Variants in OR3A2 observed in about 807,000 individuals in gnomAD.
The protein encoded by OR3A2 is olfactory receptor 3A2.
For synonymous variants in OR3A2, 126 were observed against 159.3 expected (o/e 0.79, Z 1.57); for missense variants, 318 against 392.8 (o/e 0.81, Z 1.61).
rs1178074241 is a variant in OR3A2, at chr17:3,357,392, C to G, written c.-178-21266G>C. 7.3e-5 allele frequency among the ~76,000 whole-genome samples: 11 copies of G among 151,650 alleles called. No individual in the cohort carries two copies. In the East Asian group the frequency reaches 1.2e-3, roughly 16 times the overall value. On this transcript the variant is annotated intron_variant, in intron 2 of 4. Transcript: ENST00000573491. Reference sequence around the variant, plus strand: ...AAGTACATAATGCAGACCAACCCTCCCCATGAAAATAAAAAGCCAGATGAA... The same window carrying G: ...AAGTACATAATGCAGACCAACCCTCGCCATGAAAATAAAAAGCCAGATGAA...
rs534730072 is a variant in OR3A2 at position 3,359,471 on chromosome 17, G to GTGA, written c.-178-23348_-178-23346dup. Among the ~76,000 whole-genome samples the GTGA allele has an allele frequency of 3.8e-4, 57 of 151,818 alleles. 2 individuals carry two copies. The South Asian group carries it at 0.012, about 31-fold the overall frequency. On this transcript the variant is annotated intron_variant, in intron 2 of 4. Coordinates refer to the OR3A2 transcript ENST00000573491. ...GATCTCTTGTAAGGCAGATCTGGTGGTGATGAATTCCCTCAATATTTGCTT... is the reference window on the plus strand; with the variant it reads ...GATCTCTTGTAAGGCAGATCTGGTGGTGATGATGAATTCCCTCAATATTTGCTT...
chr17:3,279,668 A>T lies in OR3A2; in HGVS notation c.-6-745T>A, dbSNP rs190327339. ...CTTCGTGTGGTGGGGGGCACTTGTAATCCTAGCTACTCAGTAGGCTGAGGC... is the reference window on the plus strand; with the variant it reads ...CTTCGTGTGGTGGGGGGCACTTGTATTCCTAGCTACTCAGTAGGCTGAGGC... On this transcript the variant is annotated intron_variant, in intron 1 of 1. Transcript: ENST00000642052. Among the ~76,000 whole-genome samples, 189 of 152,252 alleles carry T rather than the reference A, an allele frequency of 1.2e-3. 1 individual carries two copies. The highest frequency in any genetic ancestry group is 3.7e-4 in the Non-Finnish European group (25 of 68,016).
rs747773621 is a variant in OR3A2 at position 3,310,532 on chromosome 17, G to A, written c.-85+25501C>T. On this transcript the variant is annotated intron_variant, in intron 3 of 4. Transcript: ENST00000573491. ...TGGGGAACTTGTCCCTGCCAGATGT[G>A]GGGTGTGTCAGTGTCACTGTCCCTG... 52 of 535,836 alleles carry A rather than the reference G, an allele frequency of 9.7e-5. No individual in the cohort carries two copies. The Admixed American group carries it at 9.9e-4, about 10-fold the overall frequency. The allele number at this position is 535,836 out of a possible 1,614,324, so 33.2% of individuals were successfully genotyped here.
intron 3 of OR3A2, among the ~76,000 whole-genome samples, chr17:3,318,327 A>G (rs1459947448): frequency 6.6e-6 from 1 of 152,218 alleles, no homozygotes; most frequent in African/African-American, 2.4e-5. Context: ...GTCTGAAAGA[A>G]ACTGGGACCT....
intron 3 of OR3A2, among the ~76,000 whole-genome samples, chr17:3,322,164 G>A (rs1019366525): frequency 6.6e-5 from 10 of 152,138 alleles, no homozygotes; most frequent in African/African-American, 1.7e-4. Flanking sequence ...TTGCGTAGAG[G>A]TGTTTATAGT....
chr17:3,293,016 A>G (rs1226202612), intron 3 of OR3A2, among the ~76,000 whole-genome samples: 1 of 152,162 alleles, frequency 6.6e-6, no homozygotes, highest in Admixed American at 6.5e-5. Flanking sequence ...CTTCAAAGAA[A>G]CTAGTAAGTG....
chr17:3,306,717 C>G (rs2049003442), intron 3 of OR3A2, among the ~76,000 whole-genome samples: 1 of 143,548 alleles, frequency 7.0e-6, no homozygotes, highest in African/African-American at 2.7e-5. Context: ...TTTATTTTCT[C>G]CACTTAAAAT....
At chr17:3,298,685 T>A (rs567193771) in intron 3 of OR3A2, among the ~76,000 whole-genome samples, 109 of 152,256 alleles carry the variant, frequency 7.2e-4, no homozygotes, top group African/African-American at 2.5e-3. Context: ...ACCTCTATTA[T>A]TAGGGAGCAG....
chr17:3,338,089 T>C (rs2049286683), intron 2 of OR3A2, among the ~76,000 whole-genome samples: 1 of 152,246 alleles, frequency 6.6e-6, no homozygotes, highest in African/African-American at 2.4e-5. Context: ...AAAGTGTCCA[T>C]TCATATGCTT....
chr17:3,316,533 A>G (rs930446568), intron 3 of OR3A2, among the ~76,000 whole-genome samples: 3 of 152,186 alleles, frequency 2.0e-5, no homozygotes, highest in African/African-American at 7.2e-5. Flanking sequence ...ATTTTATCTT[A>G]TTATTTTATT....
chr17:3,317,862 T>C lies in OR3A2; in HGVS notation c.-85+18171A>G, dbSNP rs138575334. ...CTCCCGGCCAGTGCTATGCCCTTTG[T>C]ACCACACTAGCCCTCACTTTCCATG... On this transcript the variant is annotated intron_variant, in intron 3 of 4. Transcript: ENST00000573491. Among the ~76,000 whole-genome samples, 1,360 of 152,212 alleles carry C rather than the reference T, an allele frequency of 8.9e-3. 20 individuals carry two copies. The highest frequency in any genetic ancestry group is 0.031 in the African/African-American group (1,290 of 41,544).
intron 2 of OR3A2, among the ~76,000 whole-genome samples, chr17:3,347,223 G>A (rs1258330520): frequency 7.9e-6 from 1 of 126,306 alleles, no homozygotes; most frequent in South Asian, 3.0e-4. Context: ...ATGTCTGTTT[G>A]CCATTTGTAT....
chr17:3,368,968 T>C (rs1387100031), intron 2 of OR3A2, among the ~76,000 whole-genome samples: 1 of 152,224 alleles, frequency 6.6e-6, no homozygotes, highest in Non-Finnish European at 1.5e-5. Flanking sequence ...GTTAGCTATA[T>C]TTCTAAGTAT....
At position 3,329,094 on chromosome 17, in the gene OR3A2, G is replaced by T. The variant is rs901748829; in HGVS notation, c.-85+6939C>A. Among the ~76,000 whole-genome samples the T allele has an allele frequency of 1.1e-4, 16 of 151,758 alleles. 2 individuals are homozygous for T. Among genetic ancestry groups the T allele is most frequent in the Admixed American group, 9.2e-4 (14 of 15,232 alleles). On this transcript the variant is annotated intron_variant, in intron 3 of 4. Coordinates refer to the OR3A2 transcript ENST00000573491. Reference sequence around the variant, plus strand: ...TCATGGTGGATATGCTTTTTGATGTGCTGCTGGATTCAGTTTGCCAGTATT... The same window carrying T: ...TCATGGTGGATATGCTTTTTGATGTTCTGCTGGATTCAGTTTGCCAGTATT...
rs776933740 is a variant in OR3A2, at chr17:3,278,399, G to A, written c.519C>T (p.Gly173=). ...AGTAGAAGTGATTGACCTCATTGGG[G>A]CCACAGAAGTTGAGCGTGGACATGG... The change falls in exon 2 of 2, where the codon GGC becomes GGT. Residue 173 remains glycine, a synonymous_variant. Transcript: ENST00000642052. The A allele has an allele frequency of 1.9e-6, 3 of 1,614,220 alleles. No individual in the cohort carries two copies. The Admixed American group carries it at 5.0e-5, about 27-fold the overall frequency.
chr17:3,288,250 A>C (rs1048537699), upstream of OR3A2, among the ~76,000 whole-genome samples: 17 of 96,642 alleles, frequency 1.8e-4, no homozygotes, highest in African/African-American at 9.2e-4. Context: ...AAAGGGCAAA[A>C]AAAAAAAAAA....
intron 3 of OR3A2, among the ~76,000 whole-genome samples, chr17:3,324,552 C>T (rs778892136): frequency 3.9e-5 from 6 of 152,018 alleles, no homozygotes; most frequent in African/African-American, 9.7e-5. Context: ...GGATGTCCTT[C>T]CTGTTTGTTA....
At chr17:3,285,377 A>G (rs1171070356), upstream of OR3A2, among the ~76,000 whole-genome samples, 3 of 152,186 alleles carry the variant, frequency 2.0e-5, no homozygotes, top group African/African-American at 7.2e-5. Flanking sequence ...TTGGGGCCTC[A>G]GTTTCCTCAT....
intron 3 of OR3A2, among the ~76,000 whole-genome samples, chr17:3,307,601 C>T (rs116446904): frequency 0.016 from 2,389 of 152,272 alleles, 73 homozygotes; most frequent in African/African-American, 0.054. Flanking sequence ...CCTTTATCTT[C>T]CTTTGTGGTG....
Sources: gnomAD v4.1 joint callset for allele counts (sites outside exome capture counted in the v4.1 genomes callset) on GRCh38, gnomAD v4.1.1 for gene constraint, MANE v1.5 for transcripts, NCBI Gene and HGNC (gene_info 2026-07-23, HGNC 2026-07-21) for gene names.